AGMO: variants seen among roughly 807,000 people sequenced by gnomAD.
AGMO encodes the protein alkylglycerol monooxygenase.
A neutral mutation model predicts 60.2 loss-of-function variants in AGMO; 75 were observed. That is an observed-to-expected ratio of 1.25 (90% CI 1.03 to 1.51). The LOEUF (loss-of-function observed/expected upper bound fraction) is 1.51. Ranked by LOEUF, AGMO falls within the 40% of genes most tolerant of loss-of-function variation. The pLI is 0.00. For synonymous variants in AGMO, 261 were observed against 177.1 expected, an observed-to-expected ratio of 1.47 and a Z score of -3.76; for missense variants, 763 against 525.5, an observed-to-expected ratio of 1.45 and a Z score of -4.42.
At chr7:15,561,636 T>C in intron 1 of AGMO, 84 bp downstream of exon 1, 1 of 1,257,232 alleles carries the variant, frequency 8.0e-7, no homozygotes, top group Non-Finnish European at 1.1e-6. Context: ...ATAATGAAAG[T>C]GAACAAAACC....
At chr7:15,358,792 G>A (rs565100361) in intron 12 of AGMO, among the ~76,000 whole-genome samples, 1 of 152,282 alleles carries the variant, frequency 6.6e-6, no homozygotes, top group South Asian at 2.1e-4. Flanking sequence ...GCCTCTCTGA[G>A]TTTTAGGTCT....
At chr7:15,332,574 C>G (rs1467661315) in intron 12 of AGMO, among the ~76,000 whole-genome samples, 1 of 152,050 alleles carries the variant, frequency 6.6e-6, no homozygotes, top group Admixed American at 6.6e-5. Flanking sequence ...ACCTGACAAC[C>G]TGATTTTCCC....
chr7:15,423,230 T>C (rs187414500), intron 4 of AGMO, among the ~76,000 whole-genome samples: 37 of 152,244 alleles, frequency 2.4e-4, no homozygotes, highest in Admixed American at 9.2e-4. Context: ...AAACTAAAGA[T>C]TGAAGAATCA....
At chr7:15,363,481 G>A (rs918444399) in intron 12 of AGMO, among the ~76,000 whole-genome samples, 4 of 152,116 alleles carry the variant, frequency 2.6e-5, no homozygotes, top group African/African-American at 9.7e-5. Context: ...GACGAGCAAA[G>A]CAAGACCAAG....
chr7:15,324,936 T>G (rs1781291177), intron 12 of AGMO, among the ~76,000 whole-genome samples: 1 of 151,860 alleles, frequency 6.6e-6, no homozygotes, highest in African/African-American at 2.4e-5. Context: ...GGTTGGGGAG[T>G]TGGGGACCCC....
intron 12 of AGMO, among the ~76,000 whole-genome samples, chr7:15,243,065 T>C (rs1030942643): frequency 6.6e-6 from 1 of 152,016 alleles, no homozygotes; most frequent in Non-Finnish European, 1.5e-5. Flanking sequence ...TTTGTGTTAA[T>C]AATTGTATAT....
chr7:15,201,058 G>T lies in AGMO; in HGVS notation c.*227C>A. 2.8e-6 allele frequency: 1 copy of T among 354,804 alleles called. No individual in the cohort carries two copies. The highest frequency in any genetic ancestry group is 5.0e-6 in the Non-Finnish European group (1 of 199,054). 22.0% of individuals were successfully genotyped at this position (354,804 alleles called of 1,614,324 possible). On this transcript the variant is annotated 3_prime_UTR_variant, in exon 13 of 13. Coordinates refer to ENST00000342526, the MANE Select transcript of AGMO (RefSeq NM_001004320.2). ...CAGTTAATATAACATCATTATATTT[G>T]AAATCTTTTTTTAATTGTAGTAAAG...
chr7:15,549,723 C>T (rs1386526379), intron 2 of AGMO, among the ~76,000 whole-genome samples: 2 of 151,104 alleles, frequency 1.3e-5, no homozygotes, highest in African/African-American at 2.4e-5. Context: ...TAATGGGAGA[C>T]TTTAACACCT....
chr7:15,457,050 ATGAGGT>A (rs1782017123), intron 3 of AGMO, among the ~76,000 whole-genome samples: 1 of 152,200 alleles, frequency 6.6e-6, no homozygotes, highest in Non-Finnish European at 1.5e-5. Context: ...ATAATAATAT[ATGAGGT>A]TATCCTTTCA....
At chr7:15,552,524 A>C (rs1784994232) in intron 2 of AGMO, among the ~76,000 whole-genome samples, 1 of 149,938 alleles carries the variant, frequency 6.7e-6, no homozygotes, top group Admixed American at 6.7e-5. Context: ...ATGAACAGAC[A>C]CTTCTCAAAA....
the AGMO span, among the ~76,000 whole-genome samples, chr7:15,176,222 C>CA: frequency 3.3e-5 from 5 of 151,898 alleles, no homozygotes; most frequent in African/African-American, 9.7e-5. Context: ...ATTGCAGCAT[C>CA]AAAAAAGTTT....
At chr7:15,436,671 G>A (rs1197586334) in intron 3 of AGMO, among the ~76,000 whole-genome samples, 2 of 152,098 alleles carry the variant, frequency 1.3e-5, no homozygotes, top group African/African-American at 4.8e-5. Flanking sequence ...AAAAAAAAGA[G>A]TTTTATTAAA....
chr7:15,278,157 G>T (rs2128517427), intron 12 of AGMO, among the ~76,000 whole-genome samples: 1 of 152,282 alleles, frequency 6.6e-6, no homozygotes, highest in Admixed American at 6.5e-5. Flanking sequence ...TTTCAGGGCA[G>T]AATCTCTTCA....
intron 3 of AGMO, among the ~76,000 whole-genome samples, chr7:15,432,492 T>C (rs1373182429): frequency 6.6e-6 from 1 of 151,174 alleles, no homozygotes; most frequent in Non-Finnish European, 1.5e-5. Flanking sequence ...GGTAAACAAA[T>C]GATAGCTCAT....
chr7:15,453,703 A>G (rs1005210145), intron 3 of AGMO, among the ~76,000 whole-genome samples: 3 of 152,110 alleles, frequency 2.0e-5, no homozygotes, highest in African/African-American at 4.8e-5. Context: ...CTGCAGGCTT[A>G]GAGCTTCAGC....
At chr7:15,558,584 A>C (rs947028025) in intron 2 of AGMO, among the ~76,000 whole-genome samples, 4 of 152,098 alleles carry the variant, frequency 2.6e-5, no homozygotes, top group Admixed American at 6.6e-5. Context: ...ATTCTTATTC[A>C]TGATAATCTG....
In AGMO at chr7:15,432,294, A is replaced by G. The variant is rs1330051860; in HGVS notation, c.410-1186T>C. Among the ~76,000 whole-genome samples the G allele has an allele frequency of 2.0e-5, 3 of 149,280 alleles. No individual in the cohort carries two copies. In the East Asian group the frequency reaches 5.8e-4, roughly 29 times the overall value. On this transcript the variant is annotated intron_variant, in intron 3 of 12. Coordinates refer to ENST00000342526, the MANE Select transcript of AGMO (RefSeq NM_001004320.2). ...TAGAATAATTTTAGAAGTTTTTATGAAAATCATGGTCATATATATGTGTGT... is the reference window on the plus strand; with the variant it reads ...TAGAATAATTTTAGAAGTTTTTATGGAAATCATGGTCATATATATGTGTGT...
intron 12 of AGMO, chr7:15,306,345 T>C (rs906577777): frequency 2.3e-5 from 6 of 264,122 alleles, no homozygotes; most frequent in Non-Finnish European, 4.7e-5. Context: ...CCAGGGTAAC[T>C]TCATTCATGG....
intron 2 of AGMO, among the ~76,000 whole-genome samples, chr7:15,545,731 T>C (rs1342553464): frequency 6.6e-6 from 1 of 152,096 alleles, no homozygotes; most frequent in African/African-American, 2.4e-5. Flanking sequence ...TAAAAACCTA[T>C]AAAATGTACT....
Sources: allele counts gnomAD v4.1 joint callset (sites outside exome capture counted in the v4.1 genomes callset), GRCh38; gene constraint gnomAD v4.1.1; transcripts MANE v1.5; gene names NCBI Gene and HGNC (gene_info 2026-07-23, HGNC 2026-07-21).